The following MTREX variants were observed in gnomAD, a reference collection of about 807,000 sequenced individuals.
The protein encoded by MTREX is exosome RNA helicase MTR4.
MTREX carries 76 observed loss-of-function variants against 135.4 expected under a neutral mutation model. The observed-to-expected ratio is 0.56, with a 90% confidence interval of 0.47 to 0.68. The LOEUF (loss-of-function observed/expected upper bound fraction) is 0.68. Ranked by LOEUF, MTREX falls within the 30% of genes least tolerant of loss-of-function variation. The pLI is 0.00. For missense variants in MTREX, 920 were observed against 1,262.1 expected, an observed-to-expected ratio of 0.73 and a Z score of 4.11; for synonymous variants, 404 against 401.6, an observed-to-expected ratio of 1.01 and a Z score of -0.07.
At chr5:55,379,474 C>T (rs1021743260) in intron 18 of MTREX, among the ~76,000 whole-genome samples, 5 of 151,802 alleles carry the variant, frequency 3.3e-5, no homozygotes, top group East Asian at 1.9e-4. Flanking sequence ...TGTGAGCCAC[C>T]GCACCAAGCC....
intron 25 of MTREX, among the ~76,000 whole-genome samples, chr5:55,420,219 AG>A (rs1270739906): frequency 6.6e-6 from 1 of 152,182 alleles, no homozygotes; most frequent in Non-Finnish European, 1.5e-5. Flanking sequence ...CAGGCTGGAT[AG>A]GAGTATTAAA....
At position 55,422,903 on chromosome 5, in the gene MTREX, C is replaced by G. The variant is rs1406086101; in HGVS notation, c.2997C>G (p.Arg999=). The G allele has an allele frequency of 6.2e-7, 1 of 1,613,666 alleles. No individual in the cohort carries two copies. Among genetic ancestry groups the G allele is most frequent in the Non-Finnish European group, 8.5e-7 (1 of 1,179,892 alleles). Residue 999 remains arginine (R), a synonymous_variant, in exon 26 of 27, where the codon CGC becomes CGG. Coordinates refer to ENST00000230640, the MANE Select transcript of MTREX (RefSeq NM_015360.5). ...FEGSIIRCMR[R]LEELLRQMCQ... is the part of the protein sequence containing the mutation. Reference sequence around the variant, plus strand: ...GCAGCATAATTCGTTGTATGAGGCGCCTGGAAGAATTGCTTCGACAAATGT... The same window carrying G: ...GCAGCATAATTCGTTGTATGAGGCGGCTGGAAGAATTGCTTCGACAAATGT...
At chr5:55,406,639 G>T (rs1163242679) in intron 22 of MTREX, among the ~76,000 whole-genome samples, 1 of 152,178 alleles carries the variant, frequency 6.6e-6, no homozygotes, top group Non-Finnish European at 1.5e-5. Context: ...AGTGGCTATT[G>T]TTCAGTATGG....
chr5:55,350,724 A>G (rs577107183), intron 12 of MTREX, among the ~76,000 whole-genome samples, 195 bp from the exon 13 acceptor site: 21 of 152,230 alleles, frequency 1.4e-4, no homozygotes, highest in Admixed American at 6.5e-4. Flanking sequence ...TGCCTTTCCT[A>G]TGAGCTTGGC....
intron 18 of MTREX, among the ~76,000 whole-genome samples, chr5:55,381,856 G>A (rs780059940): frequency 2.6e-5 from 4 of 152,072 alleles, no homozygotes; most frequent in East Asian, 1.9e-4. Flanking sequence ...TTGAAGTCTC[G>A]TAACTATTGT....
At position 55,322,442 on chromosome 5, in the gene MTREX, G is replaced by C; in HGVS notation, c.250G>C (p.Glu84Gln). 1 of 1,602,858 alleles carries C rather than the reference G, an allele frequency of 6.2e-7. No individual in the cohort carries two copies. The highest frequency in any genetic ancestry group is 8.5e-7 in the Non-Finnish European group (1 of 1,175,400). Residue 84 changes from glutamate (E) to glutamine (Q), a missense_variant, in exon 2 of 27, where the codon GAG (glutamate) becomes CAG (glutamine). By Grantham distance (29) the Glu-to-Gln change is conservative. Around this residue, in one of 6 missense-constraint regions of MTREX, gnomAD observed 136 missense variants for 126.7 expected, o/e 1.07. Coordinates refer to ENST00000230640, the MANE Select transcript of MTREX (RefSeq NM_015360.5). ...PIFGKKPRIE[E>Q]SITEDLSLAD... ...TTTTGGAAAGAAGCCCAGGATAGAA[G>C]AGTCAATAACTGAAGACTTAAGGTA...
chr5:55,347,296 G>A, intron 11 of MTREX, 152 bp downstream of exon 11: 1 of 646,754 alleles, frequency 1.5e-6, no homozygotes, highest in Non-Finnish European at 2.5e-6. Flanking sequence ...AGCTTTAAAG[G>A]CCTTTGACTT....
intron 1 of MTREX, among the ~76,000 whole-genome samples, chr5:55,321,644 T>C (rs988050251): frequency 6.6e-6 from 1 of 150,916 alleles, no homozygotes; most frequent in African/African-American, 2.4e-5. Context: ...AGTCTTGCTT[T>C]GTCTCCTAGG....
chr5:55,414,326 GT>G, intron 24 of MTREX, 88 bp downstream of exon 24: 1 of 1,058,212 alleles, frequency 9.4e-7, no homozygotes, highest in Non-Finnish European at 1.3e-6. Flanking sequence ...AATCATAGTA[GT>G]TTATCATTTC....
At chr5:55,309,825 A>G (rs1178933275) in intron 1 of MTREX, among the ~76,000 whole-genome samples, 5 of 152,324 alleles carry the variant, frequency 3.3e-5, no homozygotes, top group Admixed American at 2.6e-4. Flanking sequence ...TGGAGAGGGT[A>G]CATAAGCCTA....
At chr5:55,366,190 G>A (rs1750100857) in intron 15 of MTREX, among the ~76,000 whole-genome samples, 1 of 152,032 alleles carries the variant, frequency 6.6e-6, no homozygotes, top group Non-Finnish European at 1.5e-5. Flanking sequence ...CAGTTAGGAA[G>A]ACAAAAAGGA....
rs954278982 is a variant in MTREX at position 55,354,505 on chromosome 5, T to G, written c.1533+1236T>G. On this transcript the variant is annotated intron_variant, in intron 14 of 26. Transcript: ENST00000230640. ...AGAAGTTTCTGAAAGGAATTACAAATCATCAAAATGCTGAAAAGTACCCTC... is the reference window on the plus strand; with the variant it reads ...AGAAGTTTCTGAAAGGAATTACAAAGCATCAAAATGCTGAAAAGTACCCTC... 2.0e-5 allele frequency among the ~76,000 whole-genome samples: 3 copies of G among 152,208 alleles called. No individual in the cohort carries two copies. The East Asian group carries it at 5.8e-4, about 29-fold the overall frequency.
intron 18 of MTREX, among the ~76,000 whole-genome samples, 153 bp from the exon 19 acceptor site, chr5:55,387,821 G>C (rs995978859): frequency 2.0e-5 from 3 of 152,112 alleles, no homozygotes; most frequent in Non-Finnish European, 4.4e-5. Flanking sequence ...AATCCAGAGA[G>C]ACAGTTTTCA....
intron 1 of MTREX, among the ~76,000 whole-genome samples, chr5:55,312,519 T>C (rs372015407): frequency 6.6e-6 from 1 of 152,182 alleles, no homozygotes; most frequent in East Asian, 1.9e-4. Context: ...CCCTTTTTAA[T>C]ACATCCCTGT....
intron 24 of MTREX, among the ~76,000 whole-genome samples, chr5:55,414,549 C>A (rs1398255997): frequency 1.3e-5 from 2 of 152,178 alleles, no homozygotes; most frequent in Non-Finnish European, 2.9e-5. Context: ...GTGTCATTTT[C>A]TTCCTCAGTA....
chr5:55,390,994 T>C (rs939551024), intron 19 of MTREX, among the ~76,000 whole-genome samples: 1 of 152,246 alleles, frequency 6.6e-6, no homozygotes, highest in South Asian at 2.1e-4. Context: ...GGATATTTTC[T>C]ATTAATTACT....
chr5:55,383,920 C>G (rs1363621700), intron 18 of MTREX, among the ~76,000 whole-genome samples: 1 of 152,138 alleles, frequency 6.6e-6, no homozygotes, highest in Admixed American at 6.6e-5. Flanking sequence ...CAGGTGTGCA[C>G]CACCATGCCT....
At chr5:55,409,371 A>G (rs1750853500) in intron 22 of MTREX, among the ~76,000 whole-genome samples, 1 of 152,206 alleles carries the variant, frequency 6.6e-6, no homozygotes, top group Non-Finnish European at 1.5e-5. Flanking sequence ...AAGGACTTGT[A>G]ATAATAGTCT....
At chr5:55,405,171 T>C (rs1750783090) in intron 21 of MTREX, 2 of 282,438 alleles carry the variant, frequency 7.1e-6, no homozygotes, top group South Asian at 2.3e-4. Context: ...AATGGACATT[T>C]TGTATTTTCC....
Sources: gnomAD v4.1 joint callset for allele counts (sites outside exome capture counted in the v4.1 genomes callset) on GRCh38, gnomAD v4.1.1 for gene constraint, gnomAD v4.1.1 regional missense constraint, MANE v1.5 for transcripts, NCBI Gene and HGNC (gene_info 2026-07-23, HGNC 2026-07-21) for gene names.